COBLL1: variants seen among roughly 807,000 people sequenced by gnomAD.
COBLL1 encodes cordon-bleu WH2 repeat protein like 1.
COBLL1 carries 50 observed loss-of-function variants against 94.8 expected under a neutral mutation model. The observed-to-expected ratio is 0.53, with a 90% CI of 0.42 to 0.67. The LOEUF (loss-of-function observed/expected upper bound fraction) is 0.67. COBLL1 is among the 30% of genes least tolerant of loss of function. COBLL1 has a pLI of 0.00. For missense variants in COBLL1, 1,362 were observed against 1,348.7 expected (o/e 1.01, Z -0.15); for synonymous variants, 448 against 473.8 (o/e 0.95, Z 0.71).
chr2:164,791,730 C>T (rs1459888372), intron 2 of COBLL1, among the ~76,000 whole-genome samples: 1 of 152,162 alleles, frequency 6.6e-6, no homozygotes, highest in African/African-American at 2.4e-5. Flanking sequence ...GGAGCAACTT[C>T]TCCACCTTCC....
chr2:164,801,192 C>CT (rs1683763561), intron 2 of COBLL1, among the ~76,000 whole-genome samples: 1 of 151,888 alleles, frequency 6.6e-6, no homozygotes, highest in Non-Finnish European at 1.5e-5. Context: ...GTAATCCCAG[C>CT]ACTTTGGGAG....
chr2:164,791,145 C>T (rs1683170333), intron 2 of COBLL1, among the ~76,000 whole-genome samples: 1 of 152,136 alleles, frequency 6.6e-6, no homozygotes, highest in African/African-American at 2.4e-5. Flanking sequence ...ATAATAGACT[C>T]AGAACACTCT....
downstream of COBLL1, chr2:164,680,178 G>A (rs1465661900): frequency 6.6e-6 from 1 of 151,894 alleles, no homozygotes; most frequent in African/African-American, 2.4e-5. Flanking sequence ...AGTGCAATCG[G>A]TCACTGTAAC....
At chr2:164,774,244 G>A (rs922070458) in intron 2 of COBLL1, among the ~76,000 whole-genome samples, 3 of 152,092 alleles carry the variant, frequency 2.0e-5, no homozygotes, top group African/African-American at 7.2e-5. Context: ...AAAAGAACCA[G>A]GTAAACTTCC....
intron 2 of COBLL1, among the ~76,000 whole-genome samples, chr2:164,756,868 G>A (rs1169493898): frequency 6.6e-6 from 1 of 152,136 alleles, no homozygotes; most frequent in Non-Finnish European, 1.5e-5. Flanking sequence ...GTCTGGGTCT[G>A]CACAAATTAG....
chr2:164,666,714 A>C (rs1231481001), intron 1 of COBLL1, among the ~76,000 whole-genome samples: 1 of 152,210 alleles, frequency 6.6e-6, no homozygotes, highest in Non-Finnish European at 1.5e-5. Context: ...ATCTCAAAAG[A>C]ACACTTTCTT....
chr2:164,713,470 T>C (rs942518906), intron 7 of COBLL1, among the ~76,000 whole-genome samples: 4 of 152,184 alleles, frequency 2.6e-5, no homozygotes, highest in Admixed American at 6.5e-5. Context: ...AGGTTACAGC[T>C]AGGTTCACTT....
intron 7 of COBLL1, among the ~76,000 whole-genome samples, chr2:164,715,915 T>C (rs1308630783): frequency 6.6e-6 from 1 of 152,140 alleles, no homozygotes; most frequent in Non-Finnish European, 1.5e-5. Flanking sequence ...TGCTGTTGTA[T>C]ATCCATCATT....
chr2:164,690,098 A>C (rs1487844618), intron 13 of COBLL1, among the ~76,000 whole-genome samples: 2 of 152,118 alleles, frequency 1.3e-5, no homozygotes, highest in Non-Finnish European at 2.9e-5. Flanking sequence ...TTAGGGTTAT[A>C]TTTATTTGGA....
chr2:164,745,882 A>G (rs1219085458), intron 2 of COBLL1, among the ~76,000 whole-genome samples: 1 of 152,152 alleles, frequency 6.6e-6, no homozygotes, highest in African/African-American at 2.4e-5. Flanking sequence ...GAAATCAGCG[A>G]ATCGACTGAA....
At chr2:164,729,335 T>C (rs1321167178) in intron 4 of COBLL1, among the ~76,000 whole-genome samples, 2 of 151,776 alleles carry the variant, frequency 1.3e-5, no homozygotes, top group Admixed American at 1.3e-4. Flanking sequence ...CATAAAATTC[T>C]ACCCTATTGC....
At chr2:164,804,033 A>C (rs1559032073) in intron 2 of COBLL1, among the ~76,000 whole-genome samples, 1 of 148,070 alleles carries the variant, frequency 6.8e-6, no homozygotes, top group East Asian at 2.0e-4. Context: ...TTTCAGGAAC[A>C]GGGATAGTAG....
intron 2 of COBLL1, among the ~76,000 whole-genome samples, chr2:164,771,250 T>C (rs746501128): frequency 1.2e-4 from 19 of 152,052 alleles, no homozygotes; most frequent in Non-Finnish European, 2.5e-4. Flanking sequence ...CTAAGTTTTT[T>C]ACATCAACAG....
At position 164,743,738 on chromosome 2, in the gene COBLL1, A is replaced by G; in HGVS notation, c.179T>C (p.Leu60Pro). 1 of 1,613,614 alleles carries G rather than the reference A, an allele frequency of 6.2e-7. No homozygotes were observed. Among genetic ancestry groups the G allele is most frequent in the Non-Finnish European group, 8.5e-7 (1 of 1,179,752 alleles). ...AATATCCCCAGGTAGGACCACTGAG[A>G]GTTCAACGTCTTTATCTATCATGTT... ...KENMIDKDVE[L>P]SVVLPGDIIK... is the part of the protein sequence containing the mutation. Residue 60 changes from leucine to proline, a missense_variant, in exon 3 of 14, where the codon CTC becomes CCC. Leu to Pro is a moderately conservative substitution (Grantham distance 98, BLOSUM62 -3). Coordinates refer to ENST00000652658, the MANE Select transcript of COBLL1 (RefSeq NM_001365672.2).
chr2:164,833,694 A>G (rs1684637329), intron 2 of COBLL1, among the ~76,000 whole-genome samples: 1 of 151,810 alleles, frequency 6.6e-6, no homozygotes, highest in African/African-American at 2.4e-5. Context: ...TCAAGATCCA[A>G]CCACCTCGGC....
At chr2:164,836,566 A>C (rs1418752132) in intron 2 of COBLL1, among the ~76,000 whole-genome samples, 1 of 152,206 alleles carries the variant, frequency 6.6e-6, no homozygotes, top group East Asian at 1.9e-4. Context: ...TCAATGTGTT[A>C]ATTAAGCTCT....
intron 3 of COBLL1, among the ~76,000 whole-genome samples, chr2:164,737,574 C>A (rs372563802): frequency 1.6e-4 from 25 of 152,060 alleles, no homozygotes; most frequent in African/African-American, 4.6e-4. Flanking sequence ...GTTTGTACCA[C>A]CCTATAGATT....
intron 2 of COBLL1, among the ~76,000 whole-genome samples, chr2:164,826,303 C>T (rs1685425123): frequency 6.6e-6 from 1 of 152,220 alleles, no homozygotes; most frequent in African/African-American, 2.4e-5. Context: ...AAGTTCCCTG[C>T]ATCTGGCACA....
intron 7 of COBLL1, among the ~76,000 whole-genome samples, chr2:164,720,395 C>T (rs13415816): frequency 0.061 from 9,252 of 152,066 alleles, 333 homozygotes; most frequent in African/African-American, 0.11. Context: ...TTTTAAGAAA[C>T]AGACTATTAG....
Sources: gnomAD v4.1 joint callset for allele counts (sites outside exome capture counted in the v4.1 genomes callset) on GRCh38, gnomAD v4.1.1 for gene constraint, MANE v1.5 for transcripts, NCBI Gene and HGNC (gene_info 2026-07-23, HGNC 2026-07-21) for gene names.